Variants in PLCXD3 observed in about 807,000 individuals in gnomAD.
PLCXD3 encodes the protein PI-PLC X domain-containing protein 3.
In PLCXD3, 19 loss-of-function variants were observed where a neutral mutation model predicts 25.5. The ratio of observed to expected loss-of-function variants is 0.75; its 90% CI spans 0.52 to 1.09. PLCXD3 has a LOEUF of 1.09. Ranked by LOEUF, PLCXD3 falls within the 50% of genes least tolerant of loss-of-function variation. The pLI, the probability that PLCXD3 is intolerant of heterozygous loss-of-function variation, is 0.00. For missense variants in PLCXD3, 411 were observed against 388.1 expected, an observed-to-expected ratio of 1.06 and a Z score of -0.50; for synonymous variants, 174 against 137.6, an observed-to-expected ratio of 1.26 and a Z score of -1.85.
intron 2 of PLCXD3, among the ~76,000 whole-genome samples, chr5:41,354,460 C>G (rs180678644): frequency 6.6e-6 from 1 of 152,260 alleles, no homozygotes; most frequent in East Asian, 1.9e-4. Context: ...TCCCCTTTCC[C>G]TAAAACAAGC....
intron 2 of PLCXD3, among the ~76,000 whole-genome samples, chr5:41,375,298 G>A (rs1745257563): frequency 6.6e-6 from 1 of 152,108 alleles, no homozygotes; most frequent in Non-Finnish European, 1.5e-5. Flanking sequence ...TGAGTGCAGT[G>A]CAGACTGAAA....
chr5:41,363,035 C>T (rs185327916), intron 2 of PLCXD3, among the ~76,000 whole-genome samples: 1 of 152,258 alleles, frequency 6.6e-6, no homozygotes, highest in African/African-American at 2.4e-5. Flanking sequence ...ATTGTTACCA[C>T]AGAATCAGCA....
intron 2 of PLCXD3, among the ~76,000 whole-genome samples, chr5:41,357,678 A>C (rs1230277590): frequency 6.6e-6 from 1 of 152,230 alleles, no homozygotes; most frequent in Admixed American, 6.5e-5. Context: ...TCTATATTGT[A>C]ATGTCTCACT....
At chr5:41,405,201 G>T (rs1240406556) in intron 1 of PLCXD3, among the ~76,000 whole-genome samples, 1 of 152,128 alleles carries the variant, frequency 6.6e-6, no homozygotes, top group African/African-American at 2.4e-5. Context: ...TATAAGGGTA[G>T]CTTTGTTGTT....
chr5:41,469,364 G>T (rs1043846528), intron 1 of PLCXD3, among the ~76,000 whole-genome samples: 2 of 151,800 alleles, frequency 1.3e-5, no homozygotes, highest in African/African-American at 4.8e-5. Flanking sequence ...CTTTGGTCTC[G>T]GGTCATGCTA....
At chr5:41,359,330 T>C (rs1387791201) in intron 2 of PLCXD3, among the ~76,000 whole-genome samples, 3 of 152,170 alleles carry the variant, frequency 2.0e-5, no homozygotes, top group Admixed American at 6.5e-5. Context: ...AATTCAGCTG[T>C]GAATGTATCT....
At chr5:41,481,259 G>A (rs968087481) in intron 1 of PLCXD3, among the ~76,000 whole-genome samples, 4 of 152,146 alleles carry the variant, frequency 2.6e-5, no homozygotes, top group African/African-American at 9.7e-5. Context: ...TGACTATACA[G>A]AGTTGTTATA....
intron 2 of PLCXD3, among the ~76,000 whole-genome samples, chr5:41,365,058 C>T (rs1303147804): frequency 3.3e-5 from 5 of 152,150 alleles, no homozygotes; most frequent in African/African-American, 1.2e-4. Flanking sequence ...GCTCCTAACA[C>T]CAATAGGCAC....
At chr5:41,475,196 T>G (rs944747239) in intron 1 of PLCXD3, among the ~76,000 whole-genome samples, 3 of 152,202 alleles carry the variant, frequency 2.0e-5, no homozygotes, top group African/African-American at 4.8e-5. Context: ...ATTCAAAAAC[T>G]TCCCCTTCTT....
chr5:41,467,749 A>G (rs1268179910), intron 1 of PLCXD3, among the ~76,000 whole-genome samples: 2 of 152,148 alleles, frequency 1.3e-5, no homozygotes, highest in African/African-American at 4.8e-5. Flanking sequence ...GTATAAGATT[A>G]GAGTCTAATT....
In PLCXD3 at chr5:41,442,991, T is replaced by C. The variant is rs1239895021; in HGVS notation, c.104-60457A>G. Among the ~76,000 whole-genome samples the C allele has an allele frequency of 3.3e-5, 5 of 151,378 alleles. No homozygotes were observed. The East Asian group carries it at 9.7e-4, about 29-fold the overall frequency. On this transcript the variant is annotated intron_variant, in intron 1 of 2. Transcript: ENST00000377801. Reference sequence around the variant, plus strand: ...TATGAAGAGAAGGAGAAGGAGGAGATGCAGGGATTTTCACAAATTAACATT... The same window carrying C: ...TATGAAGAGAAGGAGAAGGAGGAGACGCAGGGATTTTCACAAATTAACATT...
rs376736684 is a variant in PLCXD3, at chr5:41,443,358, G to A, written c.104-60824C>T. ...ATGCCATACCATATAGCCTAGGTGCGTAGTGGGCATACCATCTAGGTTAGT... is the reference window on the plus strand; with the variant it reads ...ATGCCATACCATATAGCCTAGGTGCATAGTGGGCATACCATCTAGGTTAGT... On this transcript the variant is annotated intron_variant, in intron 1 of 2. Coordinates refer to ENST00000377801, the MANE Select transcript of PLCXD3 (RefSeq NM_001005473.3). Among the ~76,000 whole-genome samples the A allele has an allele frequency of 3.1e-4, 47 of 152,058 alleles. No individual in the cohort carries two copies. The South Asian group carries it at 6.2e-3, about 20-fold the overall frequency.
intron 1 of PLCXD3, among the ~76,000 whole-genome samples, chr5:41,428,774 T>G (rs1747026514): frequency 6.6e-6 from 1 of 152,150 alleles, no homozygotes; most frequent in Non-Finnish European, 1.5e-5. Flanking sequence ...ATTTAGTGCA[T>G]TTTTCCACAC....
At chr5:41,395,386 A>C (rs1293243988) in intron 1 of PLCXD3, among the ~76,000 whole-genome samples, 1 of 152,126 alleles carries the variant, frequency 6.6e-6, no homozygotes, top group Non-Finnish European at 1.5e-5. Flanking sequence ...AAAACTTCAA[A>C]TGAATAATCT....
At chr5:41,494,915 A>G (rs1207053145) in intron 1 of PLCXD3, among the ~76,000 whole-genome samples, 1 of 152,192 alleles carries the variant, frequency 6.6e-6, no homozygotes, top group Non-Finnish European at 1.5e-5. Context: ...CATGTAGTGA[A>G]GGAAGTGAAG....
intron 1 of PLCXD3, among the ~76,000 whole-genome samples, chr5:41,437,279 A>G (rs1215295552): frequency 6.6e-6 from 1 of 152,240 alleles, no homozygotes; most frequent in Non-Finnish European, 1.5e-5. Context: ...AGGGCTATGG[A>G]TTTGAGAAAA....
intron 1 of PLCXD3, among the ~76,000 whole-genome samples, chr5:41,413,859 CA>C (rs1746626887): frequency 6.6e-6 from 1 of 151,984 alleles, no homozygotes; most frequent in Admixed American, 6.6e-5. Flanking sequence ...ATATGTTTTT[CA>C]AATATTTATT....
chr5:41,448,543 A>G (rs1000497280), intron 1 of PLCXD3, among the ~76,000 whole-genome samples: 4 of 152,240 alleles, frequency 2.6e-5, no homozygotes, highest in Non-Finnish European at 5.9e-5. Flanking sequence ...TACTGGTTGC[A>G]TGTAGCCTGC....
chr5:41,345,577 T>C (rs1744274232), intron 2 of PLCXD3, among the ~76,000 whole-genome samples: 1 of 152,168 alleles, frequency 6.6e-6, no homozygotes, highest in Non-Finnish European at 1.5e-5. Flanking sequence ...CTCAGGCTAG[T>C]AGTGAATAGA....
Sources: gnomAD v4.1 joint callset for allele counts (sites outside exome capture counted in the v4.1 genomes callset) on GRCh38, gnomAD v4.1.1 for gene constraint, MANE v1.5 for transcripts, NCBI Gene and HGNC (gene_info 2026-07-23, HGNC 2026-07-21) for gene names.